The following DOCK5 variants were observed in gnomAD, a reference collection of about 807,000 sequenced individuals.
DOCK5 encodes dedicator of cytokinesis protein 5.
Under a neutral mutation model 251.8 loss-of-function variants are expected in DOCK5, and 142 were observed. The ratio of observed to expected loss-of-function variants is 0.56; its 90% CI spans 0.49 to 0.65. The LOEUF is 0.65. Ranked by LOEUF, DOCK5 falls within the 30% of genes least tolerant of loss-of-function variation. The pLI is 0.00. For missense variants in DOCK5, 2,111 were observed against 2,312.3 expected, an observed-to-expected ratio of 0.91 and a Z score of 1.79; for synonymous variants, 842 against 835.5, an observed-to-expected ratio of 1.01 and a Z score of -0.13.
At chr8:25,369,663 C>G (rs775526635) in intron 34 of DOCK5, 22 bp downstream of exon 34, 1 of 1,583,282 alleles carries the variant, frequency 6.3e-7, no homozygotes, top group Non-Finnish European at 8.6e-7. Context: ...AGGAACGAAA[C>G]CTGAAGTCAG....
chr8:25,374,842 T>C, intron 37 of DOCK5, 188 bp downstream of exon 37: 1 of 1,439,878 alleles, frequency 6.9e-7, no homozygotes, highest in Non-Finnish European at 9.1e-7. Flanking sequence ...ATGTCAGTTA[T>C]CTTTTATTTA....
At chr8:25,345,795 G>A (rs144966976) in intron 26 of DOCK5, among the ~76,000 whole-genome samples, 184 bp downstream of exon 26, 2 of 152,172 alleles carry the variant, frequency 1.3e-5, no homozygotes, top group South Asian at 2.1e-4. Context: ...TTACTGCTGG[G>A]GCCTTCTGCA....
At chr8:25,223,200 C>T (rs1421422818) in intron 1 of DOCK5, among the ~76,000 whole-genome samples, 1 of 152,204 alleles carries the variant, frequency 6.6e-6, no homozygotes, top group Non-Finnish European at 1.5e-5. Context: ...GAGACAAGGT[C>T]TCACTACGTT....
chr8:25,376,523 T>C (rs1433061073), intron 37 of DOCK5: 1 of 332,654 alleles, frequency 3.0e-6, no homozygotes, highest in Non-Finnish European at 4.3e-6. Flanking sequence ...TAGTTACTCT[T>C]GATTGCTCTT....
In DOCK5 at chr8:25,189,677, A is replaced by G. The variant is rs139444937; in HGVS notation, c.43+4726A>G. On this transcript the variant is annotated intron_variant, in intron 1 of 51. Transcript: ENST00000276440. The stretch of plus-strand genomic sequence containing the variant: ...CACCCAGCCTTATTCTTTGAAAAGT[A>G]GCTCATTGTTGCATGTTGGGATTTG... Among the ~76,000 whole-genome samples, 508 of 151,586 alleles carry G rather than the reference A, an allele frequency of 3.4e-3. 2 individuals carry two copies. Among genetic ancestry groups the G allele is most frequent in the Non-Finnish European group, 5.7e-3 (386 of 67,826 alleles).
intron 39 of DOCK5, 114 bp downstream of exon 39, chr8:25,380,508 A>T: frequency 1.1e-6 from 1 of 878,316 alleles, no homozygotes; most frequent in Non-Finnish European, 1.8e-6. Context: ...TACAATGGAA[A>T]AGTCAACTTT....
At position 25,302,382 on chromosome 8, in the gene DOCK5, C is replaced by T; in HGVS notation, c.904C>T (p.Arg302Cys). ...PRVSLVCQIVRVGHMELKEGK... is the reference protein window; with the variant it reads ...PRVSLVCQIVCVGHMELKEGK... ...CGTCAGCCTTGTGTGCCAGATTGTC[C>T]GCGTGGGCCATATGGAGCTGAAGGA... Residue 302 changes from arginine to cysteine, a missense_variant, in exon 10 of 52, where the codon CGC (arginine) becomes TGC (cysteine). This residue lies in a region of DOCK5 where 59 missense variants were observed against 95.0 expected (regional missense o/e 0.62). Transcript: ENST00000276440. 4 of 1,611,314 alleles carry T rather than the reference C, an allele frequency of 2.5e-6. No homozygotes were observed. Among genetic ancestry groups the T allele is most frequent in the East Asian group, 2.2e-5 (1 of 44,800 alleles).
rs559008304 is a variant in DOCK5 at position 25,198,288 on chromosome 8, C to T, written c.43+13337C>T. 4.6e-5 allele frequency among the ~76,000 whole-genome samples: 7 copies of T among 152,180 alleles called. No individual in the cohort carries two copies. In the South Asian group the frequency reaches 8.3e-4, roughly 18 times the overall value. ...AGAGACCAGTTATAAGACGAAGTGACGACCAGACACGGTGTCTCATACCTG... is the reference window on the plus strand; with the variant it reads ...AGAGACCAGTTATAAGACGAAGTGATGACCAGACACGGTGTCTCATACCTG... On this transcript the variant is annotated intron_variant, in intron 1 of 51. Transcript: ENST00000276440.
intron 31 of DOCK5, among the ~76,000 whole-genome samples, 163 bp from the exon 32 acceptor site, chr8:25,368,029 T>A (rs996084444): frequency 6.6e-6 from 1 of 152,204 alleles, no homozygotes; most frequent in Non-Finnish European, 1.5e-5. Flanking sequence ...TCTGTGCGCC[T>A]CATTCCTTTT....
At position 25,319,501 on chromosome 8, in the gene DOCK5, C is replaced by T; in HGVS notation, c.1444-77C>T. On this transcript the variant is annotated intron_variant, in intron 14 of 51. Transcript: ENST00000276440. The stretch of plus-strand genomic sequence containing the variant: ...TGTGGACGTGTTTGGGGGTGAGGGG[C>T]TTGTGCATGGTATATGGGGTCCTCT... The T allele has an allele frequency of 4.2e-6, 4 of 953,792 alleles. No individual in the cohort carries two copies. In the South Asian group the frequency reaches 6.0e-5, roughly 14 times the overall value. The allele number at this position is 953,792 out of a possible 1,614,324, so 59.1% of individuals were successfully genotyped here. A position where few individuals can be genotyped will look rare whatever the true frequency, so the allele number is the denominator to read the frequency against.
At chr8:25,293,392 G>A (rs1029007493) in intron 6 of DOCK5, among the ~76,000 whole-genome samples, 2 of 152,146 alleles carry the variant, frequency 1.3e-5, no homozygotes, top group Non-Finnish European at 2.9e-5. Flanking sequence ...GATTCAAGCA[G>A]TATTTAGGAA....
In DOCK5 at chr8:25,399,993, A is replaced by G. The variant is rs1801409788; in HGVS notation, c.4787A>G (p.Gln1596Arg). 6.2e-7 allele frequency: 1 copy of G among 1,613,080 alleles called. No individual in the cohort carries two copies. Among genetic ancestry groups the G allele is most frequent in the Admixed American group, 1.7e-5 (1 of 59,940 alleles). Residue 1596 changes from glutamine to arginine, a missense_variant and splice_region_variant, in exon 46 of 52, where the codon CAG becomes CGG. Transcript: ENST00000276440. ...CTGCTAAAGCGACTAATAGCATTAC[A>G]GGTACAGGACGGCTTTCCTCTACAC... ...VELLKRLIAL[Q>R]MPLLTEGIRI...
In DOCK5 at chr8:25,380,328, G is replaced by A; in HGVS notation, c.3960G>A (p.Leu1320=). The part of the protein sequence containing the change: ...KGKMWEKAIK[L]SKELAETYES... ...AGATGTGGGAGAAGGCCATCAAGCT[G>A]AGCAAAGAGTTGGCTGAGACTTACG... The change falls in exon 39 of 52, where the codon CTG becomes CTA. Residue 1320 remains leucine, a synonymous_variant. Coordinates refer to ENST00000276440, the MANE Select transcript of DOCK5 (RefSeq NM_024940.8). 1.2e-6 allele frequency: 2 copies of A among 1,611,906 alleles called. No individual in the cohort carries two copies. The highest frequency in any genetic ancestry group is 8.5e-7 in the Non-Finnish European group (1 of 1,178,970).
chr8:25,345,298 T>G, intron 25 of DOCK5, 177 bp from the exon 26 acceptor site: 2 of 618,134 alleles, frequency 3.2e-6, no homozygotes, highest in Non-Finnish European at 2.6e-6. Context: ...TGAACAAGGG[T>G]AAAGTTCCGT....
At chr8:25,193,383 TTTTTTTTTTTGCATTTAGGTACTTAG>T (rs2117444851) in intron 1 of DOCK5, among the ~76,000 whole-genome samples, 1 of 147,124 alleles carries the variant, frequency 6.8e-6, no homozygotes, top group East Asian at 2.0e-4. Flanking sequence ...CATTACAGCT[TTTTTTTTTTTGCATTTAGGTACTTAG>T]ACAGCACTGT....
rs184342011 is a variant in DOCK5, at chr8:25,311,457, C to T, written c.1318+925C>T. On this transcript the variant is annotated intron_variant, in intron 13 of 51. Coordinates refer to ENST00000276440, the MANE Select transcript of DOCK5 (RefSeq NM_024940.8). ...ACTCGGGAGGCTGAGGCAGGAGAAT[C>T]GCTGAAAACCGGAAGGTGGAGGTTG... is the stretch of plus-strand genomic sequence containing the variant. Among the ~76,000 whole-genome samples the T allele has an allele frequency of 2.2e-3, 331 of 150,356 alleles. 7 individuals are homozygous for T. The South Asian group carries it at 0.046, about 21-fold the overall frequency.
chr8:25,349,514 C>T (rs1408935597), intron 26 of DOCK5, among the ~76,000 whole-genome samples: 2 of 152,160 alleles, frequency 1.3e-5, no homozygotes, highest in East Asian at 1.9e-4. Flanking sequence ...ATATGAAACC[C>T]ATCTAAGTGT....
intron 4 of DOCK5, chr8:25,277,225 C>G (rs1487155690): frequency 2.0e-5 from 3 of 153,448 alleles, no homozygotes; most frequent in African/African-American, 7.2e-5. Context: ...ACGTAATTTT[C>G]TTGATTCCAC....
chr8:25,194,197 G>A (rs1258746635), intron 1 of DOCK5, among the ~76,000 whole-genome samples: 2 of 152,062 alleles, frequency 1.3e-5, no homozygotes, highest in African/African-American at 2.4e-5. Context: ...GGGAGGCTGA[G>A]GTAGGAGAAT....
Sources: allele counts gnomAD v4.1 joint callset (sites outside exome capture counted in the v4.1 genomes callset), GRCh38; gene constraint gnomAD v4.1.1; regional missense constraint gnomAD v4.1.1; transcripts MANE v1.5; gene names NCBI Gene and HGNC (gene_info 2026-07-23, HGNC 2026-07-21).